ZNF804A: variants seen among roughly 807,000 people sequenced by gnomAD.
The protein encoded by ZNF804A is zinc finger protein 804A.
Under a neutral mutation model 16.5 loss-of-function variants are expected in ZNF804A, and 2 were observed. The observed-to-expected ratio is 0.12, with a 90% CI of 0.05 to 0.38. ZNF804A has a LOEUF of 0.38. Ranked by LOEUF, ZNF804A falls within the 10% of genes least tolerant of loss-of-function variation. ZNF804A has a pLI of 0.99. For missense variants in ZNF804A, 1,473 were observed against 1,390.7 expected (o/e 1.06, Z -0.94); for synonymous variants, 534 against 489.6 (o/e 1.09, Z -1.20).
chr2:184,624,736 T>C (rs1691470830), intron 1 of ZNF804A, among the ~76,000 whole-genome samples: 1 of 152,210 alleles, frequency 6.6e-6, no homozygotes, highest in African/African-American at 2.4e-5. Context: ...CCAATTTGTT[T>C]TGATTATGCA....
chr2:184,817,206 A>C (rs1694996482), intron 1 of ZNF804A, among the ~76,000 whole-genome samples: 1 of 151,938 alleles, frequency 6.6e-6, no homozygotes, highest in Admixed American at 6.6e-5. Context: ...GCAGGCTGTC[A>C]TCTTTGCTGT....
chr2:184,882,997 T>C (rs1168943875), intron 2 of ZNF804A, among the ~76,000 whole-genome samples: 2 of 151,852 alleles, frequency 1.3e-5, no homozygotes, highest in Non-Finnish European at 2.9e-5. Flanking sequence ...AAATCCACAA[T>C]TTGGTTTTTG....
chr2:184,692,067 T>A (rs1692740009), intron 1 of ZNF804A, among the ~76,000 whole-genome samples: 1 of 152,188 alleles, frequency 6.6e-6, no homozygotes. Context: ...GCTTTATGTC[T>A]TTGTCTAGAA....
intron 1 of ZNF804A, among the ~76,000 whole-genome samples, chr2:184,864,471 C>T (rs967727678): frequency 6.6e-5 from 10 of 152,076 alleles, no homozygotes; most frequent in African/African-American, 1.4e-4. Context: ...GTAAGAGTCA[C>T]CTTTGTTGTG....
At chr2:184,841,846 G>A (rs1220014931) in intron 1 of ZNF804A, among the ~76,000 whole-genome samples, 1 of 152,034 alleles carries the variant, frequency 6.6e-6, no homozygotes, top group African/African-American at 2.4e-5. Context: ...CAGAGACAGA[G>A]GGTTAGCAGA....
chr2:184,704,040 C>A (rs956599676), intron 1 of ZNF804A, among the ~76,000 whole-genome samples: 1 of 151,986 alleles, frequency 6.6e-6, no homozygotes, highest in Non-Finnish European at 1.5e-5. Flanking sequence ...TGTAGGGGTA[C>A]CACCAGCCAC....
At chr2:184,878,520 G>T (rs1241032691) in intron 2 of ZNF804A, among the ~76,000 whole-genome samples, 3 of 151,984 alleles carry the variant, frequency 2.0e-5, no homozygotes, top group Non-Finnish European at 4.4e-5. Flanking sequence ...GCCATCTCCT[G>T]GACCTCGGCA....
chr2:184,708,407 G>T (rs1004168840), intron 1 of ZNF804A, among the ~76,000 whole-genome samples: 2 of 152,018 alleles, frequency 1.3e-5, no homozygotes, highest in African/African-American at 2.4e-5. Context: ...ATACTATAAG[G>T]TTACCCTAAC....
chr2:184,655,117 G>A (rs991165404), intron 1 of ZNF804A, among the ~76,000 whole-genome samples: 5 of 152,114 alleles, frequency 3.3e-5, no homozygotes, highest in Admixed American at 1.3e-4. Context: ...TTTCTTACAG[G>A]CTTTTCTATT....
chr2:184,847,336 T>C (rs952621944), intron 1 of ZNF804A, among the ~76,000 whole-genome samples: 1 of 152,126 alleles, frequency 6.6e-6, no homozygotes, highest in African/African-American at 2.4e-5. Context: ...CTGTTCAGTA[T>C]ATCTGTGACT....
chr2:184,688,061 G>A (rs1692666573), intron 1 of ZNF804A, among the ~76,000 whole-genome samples: 1 of 152,194 alleles, frequency 6.6e-6, no homozygotes, highest in South Asian at 2.1e-4. Flanking sequence ...AGAGGTTGCA[G>A]TGAGCCGAAA....
At chr2:184,825,309 T>A (rs1695145088) in intron 1 of ZNF804A, among the ~76,000 whole-genome samples, 1 of 152,172 alleles carries the variant, frequency 6.6e-6, no homozygotes, top group Non-Finnish European at 1.5e-5. Context: ...ATGGTTAAAA[T>A]GTTAGTAGTA....
At chr2:184,682,480 CT>C (rs558137949) in intron 1 of ZNF804A, among the ~76,000 whole-genome samples, 6 of 151,702 alleles carry the variant, frequency 4.0e-5, no homozygotes, top group African/African-American at 1.5e-4. Flanking sequence ...TTTTTTGTGA[CT>C]TTTTTTTGCT....
At chr2:184,769,509 T>C (rs933836918) in intron 1 of ZNF804A, among the ~76,000 whole-genome samples, 9 of 152,078 alleles carry the variant, frequency 5.9e-5, no homozygotes, top group Non-Finnish European at 1.2e-4. Flanking sequence ...TAGTATAATT[T>C]AATAGAACCA....
intron 1 of ZNF804A, among the ~76,000 whole-genome samples, chr2:184,847,535 G>A (rs1695539077): frequency 6.6e-6 from 1 of 151,946 alleles, no homozygotes; most frequent in Admixed American, 6.6e-5. Flanking sequence ...TGCCAAACAG[G>A]GAAAAGATTT....
intron 1 of ZNF804A, among the ~76,000 whole-genome samples, chr2:184,685,686 G>T: frequency 6.6e-6 from 1 of 152,098 alleles, no homozygotes; most frequent in South Asian, 2.1e-4. Flanking sequence ...GTCAATCCAC[G>T]GGTGGCCATA....
At position 184,938,755 on chromosome 2, in the gene ZNF804A, G is replaced by A. The variant is rs751066082; in HGVS notation, c.3359G>A (p.Gly1120Glu). 1.2e-6 allele frequency: 2 copies of A among 1,612,986 alleles called. No individual in the cohort carries two copies. Among genetic ancestry groups the A allele is most frequent in the Admixed American group, 3.3e-5 (2 of 59,820 alleles). Residue 1120 changes from glycine to glutamate, a missense_variant, in exon 4 of 4, where the codon GGA becomes GAA. By Grantham distance (98) the Gly-to-Glu change is moderately conservative. Transcript: ENST00000302277. ...AAAAAAAAAA[G>E]TFKVLQPHQQ... ...GCTGCAGCTGCAGCCGCAGCTGCAG[G>A]AACCTTTAAAGTGCTTCAGCCACAC...
At chr2:184,754,588 T>C (rs960787901) in intron 1 of ZNF804A, among the ~76,000 whole-genome samples, 3 of 151,904 alleles carry the variant, frequency 2.0e-5, no homozygotes, top group African/African-American at 4.8e-5. Flanking sequence ...TTTATTCTAC[T>C]TATGAAGGTA....
intron 1 of ZNF804A, among the ~76,000 whole-genome samples, chr2:184,629,949 T>C (rs889841108): frequency 6.6e-6 from 1 of 152,132 alleles, no homozygotes; most frequent in Non-Finnish European, 1.5e-5. Flanking sequence ...AAAATCACCA[T>C]ACACTATACA....
Sources: gnomAD v4.1 joint callset for allele counts (sites outside exome capture counted in the v4.1 genomes callset) on GRCh38, gnomAD v4.1.1 for gene constraint, MANE v1.5 for transcripts, NCBI Gene and HGNC (gene_info 2026-07-23, HGNC 2026-07-21) for gene names.